Variants in SIK3 observed in about 807,000 individuals in gnomAD.
The protein encoded by SIK3 is SIK family kinase 3.
SIK3 carries 28 observed loss-of-function variants against 144.2 expected under a neutral mutation model. The observed-to-expected ratio is 0.19, with a 90% CI of 0.14 to 0.27. SIK3 has a LOEUF of 0.27. Ranked by LOEUF, SIK3 falls within the 10% of genes least tolerant of loss-of-function variation. The probability of loss-of-function intolerance (pLI) is 1.00; values close to 1 mark genes in which losing one functional copy is unlikely to be tolerated. For synonymous variants in SIK3, 686 were observed against 676.3 expected (o/e 1.01, Z -0.22); for missense variants, 1,319 against 1,776.0 (o/e 0.74, Z 4.62).
Position 116,875,395 on chromosome 11 carries a change from G to A in SIK3, c.1296C>T (p.Asn432=). 1 of 1,614,202 alleles carries A rather than the reference G, an allele frequency of 6.2e-7. No individual in the cohort carries two copies. Among genetic ancestry groups the A allele is most frequent in the Non-Finnish European group, 8.5e-7 (1 of 1,180,036 alleles). ...TTGCCTCCACAATTTGGTTCTCTGG[G>A]TTGATCAGCTGCACCTGGGGAACGC... ...NISVPQVQLI[N]PENQIVEPDG... Residue 432 remains asparagine, a synonymous_variant, in exon 10 of 25, where the codon AAC becomes AAT. Transcript: ENST00000445177.
rs1163171454 is a variant in SIK3, at chr11:116,844,635, T to TATATTATATATTATATATATAATATA, written c.*1007_*1008insTATATTATATATATAATATATAATAT. On this transcript the variant is annotated 3_prime_UTR_variant, in exon 25 of 25. Transcript: ENST00000445177. ...ATATATATAATATATATATAATATATTATATTATATATTATATATATAATA... is the reference window on the plus strand; with the variant it reads ...ATATATATAATATATATATAATATATATATTATATATTATATATATAATATATATATTATATATTATATATATAATA... 11 of 9,730 alleles carry TATATTATATATTATATATATAATATA rather than the reference T, an allele frequency of 1.1e-3. No individual in the cohort carries two copies. Among genetic ancestry groups the TATATTATATATTATATATATAATATA allele is most frequent in the Non-Finnish European group, 1.7e-3 (6 of 3,598 alleles). The allele number at this position is 9,730 out of a possible 1,614,324, so 0.6% of individuals were successfully genotyped here.
At chr11:117,076,072 C>A (rs61903414) in intron 1 of SIK3, among the ~76,000 whole-genome samples, 1 of 151,640 alleles carries the variant, frequency 6.6e-6, no homozygotes, top group African/African-American at 2.4e-5. Context: ...TGGTCTCCAA[C>A]TCCTGATCTT....
intron 21 of SIK3, among the ~76,000 whole-genome samples, chr11:116,852,144 T>C (rs1437787051): frequency 2.6e-5 from 4 of 152,242 alleles, no homozygotes; most frequent in African/African-American, 9.6e-5. Flanking sequence ...ATAGTCCTGG[T>C]TGGAGCCTTC....
intron 1 of SIK3, among the ~76,000 whole-genome samples, chr11:117,027,771 G>A (rs1304802865): frequency 6.6e-6 from 1 of 152,092 alleles, no homozygotes; most frequent in Non-Finnish European, 1.5e-5. Context: ...CCGGCCCAGG[G>A]AAGGCTGTTT....
In SIK3 at chr11:116,888,088, T is replaced by C. The variant is rs115421995; in HGVS notation, c.865+8165A>G. Among the ~76,000 whole-genome samples the C allele has an allele frequency of 2.7e-3, 413 of 152,332 alleles. 3 individuals carry two copies. Among genetic ancestry groups the C allele is most frequent in the African/African-American group, 9.0e-3 (376 of 41,578 alleles). ...GAGCATGGCCTCCCACACAGCTGTA[T>C]GTAGCTACTCTGGAATTCAACTTGG... is the stretch of plus-strand genomic sequence containing the variant. On this transcript the variant is annotated intron_variant, in intron 6 of 24. Coordinates refer to ENST00000445177, the MANE Select transcript of SIK3 (RefSeq NM_001366686.3).
At chr11:117,009,639 C>T (rs902425792) in intron 1 of SIK3, among the ~76,000 whole-genome samples, 6 of 151,996 alleles carry the variant, frequency 3.9e-5, no homozygotes, top group Non-Finnish European at 7.4e-5. Context: ...TCATAAATAC[C>T]ATAAAAGGCA....
intron 1 of SIK3, among the ~76,000 whole-genome samples, chr11:116,958,685 G>C (rs1475769162): frequency 2.0e-5 from 3 of 152,216 alleles, no homozygotes; most frequent in Non-Finnish European, 4.4e-5. Flanking sequence ...ACTACAGAGA[G>C]AACTGGGATA....
In SIK3 at chr11:116,858,081, G is replaced by A; in HGVS notation, c.3384C>T (p.Pro1128=). Reference sequence around the variant, plus strand: ...GTGCCGGCTGGTGAGCATACCCGTGGGGCGGGGTGGGTGAGGAAGCCTGTG... The same window carrying A: ...GTGCCGGCTGGTGAGCATACCCGTGAGGCGGGGTGGGTGAGGAAGCCTGTG... ...CVSQASSPTP[P]HGYAHQPALM... is the part of the protein sequence containing the mutation. Residue 1128 remains proline (P), a synonymous_variant, in exon 21 of 25, where the codon CCC becomes CCT. Coordinates refer to ENST00000445177, the MANE Select transcript of SIK3 (RefSeq NM_001366686.3). This position sits in a 1 kb window ranked among gnomAD's most constrained non-coding sequence, Gnocchi z 5.4. 1 of 1,613,916 alleles carries A rather than the reference G, an allele frequency of 6.2e-7. No individual in the cohort carries two copies. The highest frequency in any genetic ancestry group is 8.5e-7 in the Non-Finnish European group (1 of 1,179,872).
At chr11:117,038,653 G>A (rs893186873) in intron 1 of SIK3, among the ~76,000 whole-genome samples, 32 of 151,936 alleles carry the variant, frequency 2.1e-4, no homozygotes, top group Admixed American at 3.9e-4. Context: ...GCACCTGGCC[G>A]CTACAAGATT....
Position 116,859,528 on chromosome 11 carries a change from G to C in SIK3, c.2502C>G (p.Ser834=), listed in dbSNP as rs754929460. The change falls in exon 20 of 25, where the codon TCC becomes TCG. Residue 834 remains serine, a synonymous_variant. Coordinates refer to ENST00000445177, the MANE Select transcript of SIK3 (RefSeq NM_001366686.3). ...AIFQQQPENC[S]SPPNVALTCL... is the part of the protein sequence containing the mutation. ...AGGTTAGTGCCACGTTGGGAGGAGA[G>C]GAACAGTTCTCAGGTTGCTGCTGAA... 4 of 1,614,212 alleles carry C rather than the reference G, an allele frequency of 2.5e-6. No homozygotes were observed. Among genetic ancestry groups the C allele is most frequent in the Middle Eastern group, 1.6e-4 (1 of 6,062 alleles).
At chr11:117,020,328 A>C (rs1458865683) in intron 1 of SIK3, among the ~76,000 whole-genome samples, 7 of 149,852 alleles carry the variant, frequency 4.7e-5, no homozygotes, top group African/African-American at 1.7e-4. Flanking sequence ...TGGTTAAAAT[A>C]CTGTATTCGG....
At chr11:117,094,107 C>A (rs547342728) in intron 1 of SIK3, among the ~76,000 whole-genome samples, 1 of 152,062 alleles carries the variant, frequency 6.6e-6, no homozygotes, top group East Asian at 1.9e-4. Context: ...ATGAGGAAAC[C>A]CAAGCACACA....
intron 1 of SIK3, among the ~76,000 whole-genome samples, chr11:117,008,464 C>CAAAAGAG (rs57278884): frequency 0.31 from 47,498 of 151,410 alleles, 8,452 homozygotes; most frequent in African/African-American, 0.5. Context: ...AACATAAAGG[C>CAAAAGAG]AAAAGAGAAA....
chr11:117,025,470 A>G (rs1951968835), intron 1 of SIK3, among the ~76,000 whole-genome samples: 2 of 152,084 alleles, frequency 1.3e-5, no homozygotes, highest in African/African-American at 2.4e-5. Context: ...TTTTGAGACA[A>G]GATCTCGTTC....
chr11:117,035,950 A>T, intron 1 of SIK3: 1 of 1,587,054 alleles, frequency 6.3e-7, no homozygotes, highest in Non-Finnish European at 8.5e-7. Flanking sequence ...GGCATTTCAC[A>T]TCCATGAAGC....
chr11:116,995,016 C>A (rs1950612656), intron 1 of SIK3, among the ~76,000 whole-genome samples: 1 of 151,910 alleles, frequency 6.6e-6, no homozygotes, highest in Non-Finnish European at 1.5e-5. Context: ...CGCCTGTAAT[C>A]CCAGCACTTG....
chr11:117,007,326 G>A (rs535731438), intron 1 of SIK3, among the ~76,000 whole-genome samples: 25 of 152,234 alleles, frequency 1.6e-4, no homozygotes, highest in African/African-American at 3.4e-4. Flanking sequence ...TGCAGTGAGC[G>A]AAGATCACGC....
chr11:116,996,124 A>G (rs1028165444), intron 1 of SIK3, among the ~76,000 whole-genome samples: 1 of 152,204 alleles, frequency 6.6e-6, no homozygotes, highest in African/African-American at 2.4e-5. Flanking sequence ...CCTGGCCAAC[A>G]TGGCAAAACC....
intron 1 of SIK3, among the ~76,000 whole-genome samples, chr11:116,984,240 T>C (rs1385186659): frequency 6.6e-6 from 1 of 152,060 alleles, no homozygotes; most frequent in Non-Finnish European, 1.5e-5. Context: ...GCCAAACTCA[T>C]ATATCCCAGA....
Sources: allele counts gnomAD v4.1 joint callset (sites outside exome capture counted in the v4.1 genomes callset), GRCh38; gene constraint gnomAD v4.1.1; non-coding constraint Gnocchi (gnomAD v3.1); transcripts MANE v1.5; gene names NCBI Gene and HGNC (gene_info 2026-07-23, HGNC 2026-07-21).